Variants in CELF2 observed in about 807,000 individuals in gnomAD.
CELF2 encodes the protein CUG triplet repeat RNA-binding protein 2.
In CELF2, 8 loss-of-function variants were observed where a neutral mutation model predicts 62.6. The ratio of observed to expected loss-of-function variants is 0.13; its 90% CI spans 0.07 to 0.23. The LOEUF (loss-of-function observed/expected upper bound fraction) is 0.23. Ranked by LOEUF, CELF2 falls within the 10% of genes least tolerant of loss-of-function variation. CELF2 has a pLI of 1.00. For synonymous variants in CELF2, 258 were observed against 250.0 expected, an observed-to-expected ratio of 1.03 and a Z score of -0.30; for missense variants, 333 against 671.0, an observed-to-expected ratio of 0.50 and a Z score of 5.56.
chr10:11,113,598 A>C (rs2055788943), intron 1 of CELF2, among the ~76,000 whole-genome samples: 1 of 152,224 alleles, frequency 6.6e-6, no homozygotes, highest in Admixed American at 6.5e-5. Flanking sequence ...GTGGGATACT[A>C]AAATAGAATT....
intron 1 of CELF2, among the ~76,000 whole-genome samples, chr10:11,026,952 G>T (rs1425738155): frequency 6.6e-6 from 1 of 152,154 alleles, no homozygotes; most frequent in African/African-American, 2.4e-5. Context: ...GCGTGTTTCG[G>T]AATGATTAAC....
At chr10:11,226,608 ACAC>A (rs760362583) in intron 3 of CELF2, among the ~76,000 whole-genome samples, 36,138 of 147,346 alleles carry the variant, frequency 0.25, 4,928 homozygotes, top group Non-Finnish European at 0.31. Flanking sequence ...GGCCACACAC[ACAC>A]ACACACACAC....
the CELF2 span, among the ~76,000 whole-genome samples, chr10:10,599,914 G>A: frequency 6.6e-6 from 1 of 151,856 alleles, no homozygotes; most frequent in African/African-American, 2.4e-5. Context: ...TATGTTTTTA[G>A]TAGAGATGGG....
At chr10:11,154,840 T>C (rs1331383638) in intron 1 of CELF2, among the ~76,000 whole-genome samples, 1 of 152,206 alleles carries the variant, frequency 6.6e-6, no homozygotes, top group Admixed American at 6.5e-5. Context: ...TGCTCCCATG[T>C]ACTCCACCCA....
At chr10:10,682,507 T>G in the CELF2 span, among the ~76,000 whole-genome samples, 1 of 152,224 alleles carries the variant, frequency 6.6e-6, no homozygotes, top group Non-Finnish European at 1.5e-5. Flanking sequence ...AAGAGCTTGC[T>G]TCTTGCGCAG....
chr10:11,136,897 A>G (rs2060521201), intron 1 of CELF2, among the ~76,000 whole-genome samples: 2 of 152,244 alleles, frequency 1.3e-5, no homozygotes, highest in Admixed American at 1.3e-4. Context: ...CCTCTGCTTC[A>G]GATGGCATAT....
At chr10:10,506,244 C>T in the CELF2 span, among the ~76,000 whole-genome samples, 1 of 150,712 alleles carries the variant, frequency 6.6e-6, no homozygotes, top group Non-Finnish European at 1.5e-5. Flanking sequence ...TCCACCAGCT[C>T]TCATCAAATT....
At position 10,947,863 on chromosome 10, in the gene CELF2, A is replaced by G. The variant is rs1311061370; in HGVS notation, c.89+27864A>G. Among the ~76,000 whole-genome samples, 2 of 152,208 alleles carry G rather than the reference A, an allele frequency of 1.3e-5. No individual in the cohort carries two copies. The highest frequency in any genetic ancestry group is 2.9e-5 in the Non-Finnish European group (2 of 68,040). ...GAAGAGTGTATTGGAGCAAGCCAGC[A>G]GAGGAGAGGTGGGATCCCATAGGAG... On this transcript the variant is annotated intron_variant, in intron 2 of 13. Coordinates refer to the CELF2 transcript ENST00000636488. The surrounding 1 kb of genome is among the most constrained non-coding windows in gnomAD (Gnocchi z 4.1).
rs2095221336 is a variant in CELF2, at chr10:11,318,563, G to A, written c.1097-2626G>A. 2.7e-6 allele frequency: 1 copy of A among 367,446 alleles called. No individual in the cohort carries two copies. Among genetic ancestry groups the A allele is most frequent in the Non-Finnish European group, 5.5e-6 (1 of 183,358 alleles). 22.8% of individuals were successfully genotyped at this position (367,446 alleles called of 1,614,324 possible). A position where few individuals can be genotyped will look rare whatever the true frequency, so the allele number is the denominator to read the frequency against. On this transcript the variant is annotated intron_variant, in intron 10 of 12. Coordinates refer to ENST00000633077, the MANE Select transcript of CELF2 (RefSeq NM_001326342.2). The surrounding 1 kb of genome is among the most constrained non-coding windows in gnomAD (Gnocchi z 5.4). ...CAGAGACACAGCCAGCCTCTGTGAA[G>A]TGGAGCCAGGAGAGAAGGATGTGGC...
chr10:11,144,447 T>G (rs1209431853), intron 1 of CELF2, among the ~76,000 whole-genome samples: 1 of 152,184 alleles, frequency 6.6e-6, no homozygotes, highest in African/African-American at 2.4e-5. Flanking sequence ...GTATGTAGTT[T>G]CCAGCAGAAT....
upstream of CELF2, among the ~76,000 whole-genome samples, chr10:10,798,199 A>T (rs9329333): frequency 0.7 from 106,779 of 152,076 alleles, 37,749 homozygotes; most frequent in East Asian, 0.78. Context: ...CCAGCAGTAA[A>T]GTAGTTACAG....
chr10:10,578,691 C>T, the CELF2 span, among the ~76,000 whole-genome samples: 1 of 152,114 alleles, frequency 6.6e-6, no homozygotes, highest in African/African-American at 2.4e-5. Context: ...CTGCATTTCT[C>T]AGGATATTCT....
chr10:10,931,953 C>T lies in CELF2; in HGVS notation c.89+11954C>T, dbSNP rs1368414722. Among the ~76,000 whole-genome samples, 1 of 152,096 alleles carries T rather than the reference C, an allele frequency of 6.6e-6. No homozygotes were observed. The highest frequency in any genetic ancestry group is 1.5e-5 in the Non-Finnish European group (1 of 68,022). On this transcript the variant is annotated intron_variant, in intron 2 of 13. Coordinates refer to the CELF2 transcript ENST00000636488. This position sits in a 1 kb window ranked among gnomAD's most constrained non-coding sequence, Gnocchi z 6.1. ...GCAGGGGAACTGCCCTTTATAAAAC[C>T]ATCACATCTCATGAGTCTTATTCAC... is the stretch of plus-strand genomic sequence containing the variant.
At position 11,165,876 on chromosome 10, in the gene CELF2, C is replaced by T. The variant is rs2066968558; in HGVS notation, c.271+194C>T. ...ACCCCCGCCCGCCTGCCCGCCGGGA[C>T]AGGTTGGAGGCGGGAGAGAGGGACC... On this transcript the variant is annotated intron_variant, in intron 2 of 12. Transcript: ENST00000633077. The surrounding 1 kb of genome is among the most constrained non-coding windows in gnomAD (Gnocchi z 7.4). 6.6e-6 allele frequency among the ~76,000 whole-genome samples: 1 copy of T among 152,194 alleles called. No individual in the cohort carries two copies. Among genetic ancestry groups the T allele is most frequent in the Admixed American group, 6.5e-5 (1 of 15,278 alleles).
chr10:11,048,005 C>T (rs1198893346), intron 1 of CELF2, among the ~76,000 whole-genome samples: 2 of 151,970 alleles, frequency 1.3e-5, no homozygotes, highest in Non-Finnish European at 2.9e-5. Context: ...TAAACAAGCC[C>T]CTGAAGCCCT....
At chr10:10,970,548 G>A (rs2050650553) in intron 2 of CELF2, 1 of 152,208 alleles carries the variant, frequency 6.6e-6, no homozygotes, top group Admixed American at 6.5e-5. Flanking sequence ...TAGCTAGTGA[G>A]TTCTTGCTTT....
intron 2 of CELF2, among the ~76,000 whole-genome samples, chr10:11,190,775 TAAAAA>T (rs11301213): frequency 1.3e-3 from 71 of 53,980 alleles, no homozygotes; most frequent in African/African-American, 4.8e-3. Flanking sequence ...CTCTTTTCTT[TAAAAA>T]AAAAAAAAAA....
At chr10:10,927,668 C>A (rs10795838) in intron 2 of CELF2, among the ~76,000 whole-genome samples, 84,976 of 151,780 alleles carry the variant, frequency 0.56, 24,257 homozygotes, top group African/African-American at 0.62. Context: ...GCCTCAAGCA[C>A]CTCTCCCACC....
chr10:11,186,251 C>A (rs776841141), intron 2 of CELF2, among the ~76,000 whole-genome samples: 42 of 149,598 alleles, frequency 2.8e-4, no homozygotes, highest in Non-Finnish European at 5.0e-4. Flanking sequence ...TCTTAAAGTT[C>A]CCAGGTTTAT....
Sources: gnomAD v4.1 joint callset for allele counts (sites outside exome capture counted in the v4.1 genomes callset) on GRCh38, gnomAD v4.1.1 for gene constraint, Gnocchi (gnomAD v3.1) non-coding constraint, MANE v1.5 for transcripts, NCBI Gene and HGNC (gene_info 2026-07-23, HGNC 2026-07-21) for gene names.